SHISA9: variants seen among roughly 807,000 people sequenced by gnomAD.
SHISA9 encodes shisa family member 9.
Under a neutral mutation model 38.0 loss-of-function variants are expected in SHISA9, and 13 were observed. The observed-to-expected ratio is 0.34, with a 90% confidence interval of 0.22 to 0.54. SHISA9 has a LOEUF of 0.54. Among genes scored for constraint, SHISA9 ranks in the 20% least tolerant of loss-of-function variants. The pLI, the probability that SHISA9 is intolerant of heterozygous loss-of-function variation, is 0.91. For missense variants in SHISA9, 538 were observed against 575.8 expected (o/e 0.93, Z 0.67); for synonymous variants, 275 against 242.0 (o/e 1.14, Z -1.27).
At chr16:13,384,212 T>C in the SHISA9 span, among the ~76,000 whole-genome samples, 1 of 152,198 alleles carries the variant, frequency 6.6e-6, no homozygotes, top group Admixed American at 6.5e-5. Flanking sequence ...GGATAGGAAC[T>C]ACATGGGATT....
At chr16:12,911,398 T>G (rs2071181554) in intron 1 of SHISA9, 1 of 984,660 alleles carries the variant, frequency 1.0e-6, no homozygotes, top group Non-Finnish European at 1.2e-6. Flanking sequence ...CTATAAAATG[T>G]TTTTTTGTAT....
chr16:13,081,544 T>A (rs2073649709), intron 2 of SHISA9, among the ~76,000 whole-genome samples: 1 of 152,200 alleles, frequency 6.6e-6, no homozygotes, highest in Non-Finnish European at 1.5e-5. Context: ...AGGTATTTTT[T>A]TTTTTTTGAT....
the SHISA9 span, among the ~76,000 whole-genome samples, chr16:13,256,859 T>C: frequency 1.4e-4 from 21 of 152,246 alleles, no homozygotes; most frequent in Non-Finnish European, 2.5e-4. Flanking sequence ...AACGTTCCTT[T>C]GGTGAGGAAT....
intron 2 of SHISA9, among the ~76,000 whole-genome samples, chr16:13,115,177 T>C (rs536545546): frequency 6.6e-6 from 1 of 152,342 alleles, no homozygotes; most frequent in East Asian, 1.9e-4. Context: ...ATTCAAAATA[T>C]TTAACAACCC....
chr16:13,508,782 A>G, the SHISA9 span, among the ~76,000 whole-genome samples: 1 of 152,190 alleles, frequency 6.6e-6, no homozygotes, highest in Non-Finnish European at 1.5e-5. Flanking sequence ...TCATGAGGAG[A>G]AAGACATAAT....
At chr16:13,400,653 C>T in the SHISA9 span, among the ~76,000 whole-genome samples, 2 of 152,190 alleles carry the variant, frequency 1.3e-5, no homozygotes, top group South Asian at 2.1e-4. Context: ...AATGTTGTCT[C>T]GATCAGAGGA....
chr16:13,516,516 G>C, the SHISA9 span, among the ~76,000 whole-genome samples: 5 of 152,260 alleles, frequency 3.3e-5, no homozygotes, highest in Admixed American at 2.6e-4. Flanking sequence ...TATAGGGCCA[G>C]TAACTGGGAG....
chr16:13,000,440 A>G (rs2072509503), intron 2 of SHISA9, among the ~76,000 whole-genome samples: 1 of 152,230 alleles, frequency 6.6e-6, no homozygotes, highest in Non-Finnish European at 1.5e-5. Flanking sequence ...TGTAAATGGC[A>G]TCTCAGAGTT....
chr16:13,156,688 C>T (rs558370514), intron 2 of SHISA9, among the ~76,000 whole-genome samples: 53 of 146,954 alleles, frequency 3.6e-4, no homozygotes, highest in Non-Finnish European at 5.5e-4. Flanking sequence ...AAGCTGAGAT[C>T]GCGCCACTAC....
the SHISA9 span, among the ~76,000 whole-genome samples, chr16:13,471,680 T>TTAGA: frequency 1.3e-5 from 2 of 151,818 alleles, no homozygotes; most frequent in African/African-American, 4.8e-5. Flanking sequence ...TGCAGTGGAC[T>TTAGA]TTGAGCAAGA....
chr16:13,290,797 G>A, the SHISA9 span, among the ~76,000 whole-genome samples: 1 of 152,118 alleles, frequency 6.6e-6, no homozygotes, highest in South Asian at 2.1e-4. Context: ...GGGGCCTTGG[G>A]ACTTTGCTTC....
the SHISA9 span, among the ~76,000 whole-genome samples, chr16:13,346,394 G>C: frequency 6.6e-6 from 1 of 152,198 alleles, no homozygotes; most frequent in Non-Finnish European, 1.5e-5. Flanking sequence ...GTTTCCTGAA[G>C]ACTAGGCCAG....
intron 3 of SHISA9, among the ~76,000 whole-genome samples, chr16:13,210,289 T>A (rs985178993): frequency 6.6e-6 from 1 of 152,196 alleles, no homozygotes; most frequent in African/African-American, 2.4e-5. Context: ...TCTAGGTTTC[T>A]GATTATTGAA....
At chr16:13,410,585 A>G in the SHISA9 span, among the ~76,000 whole-genome samples, 2 of 152,236 alleles carry the variant, frequency 1.3e-5, no homozygotes, top group Non-Finnish European at 2.9e-5. Context: ...TAGAACCTAC[A>G]GTTTCGAAAA....
intron 2 of SHISA9, among the ~76,000 whole-genome samples, chr16:13,113,921 T>A (rs962240838): frequency 6.6e-6 from 1 of 152,192 alleles, no homozygotes; most frequent in Non-Finnish European, 1.5e-5. Context: ...CCTTCTTCTG[T>A]CACTCCATTA....
At chr16:13,042,314 T>G (rs1425443226) in intron 2 of SHISA9, among the ~76,000 whole-genome samples, 2 of 152,212 alleles carry the variant, frequency 1.3e-5, no homozygotes, top group Non-Finnish European at 2.9e-5. Context: ...TGTGGCTTCT[T>G]TCTGCTCATT....
At chr16:13,268,344 T>G in the SHISA9 span, among the ~76,000 whole-genome samples, 1 of 152,132 alleles carries the variant, frequency 6.6e-6, no homozygotes, top group Middle Eastern at 3.2e-3. Flanking sequence ...ACCCTGACTT[T>G]CCAAAATATA....
chr16:13,483,342 T>C, the SHISA9 span, among the ~76,000 whole-genome samples: 2 of 152,074 alleles, frequency 1.3e-5, no homozygotes, highest in African/African-American at 4.8e-5. Flanking sequence ...AAGGTCAGAG[T>C]GGATCCGAAC....
chr16:13,458,718 CAAAT>C, the SHISA9 span: 2 of 235,110 alleles, frequency 8.5e-6, no homozygotes, highest in South Asian at 1.1e-4. Context: ...TTATAAAACT[CAAAT>C]AGATGAACAT....
Sources: allele counts gnomAD v4.1 joint callset (sites outside exome capture counted in the v4.1 genomes callset), GRCh38; gene constraint gnomAD v4.1.1; transcripts MANE v1.5; gene names NCBI Gene and HGNC (gene_info 2026-07-23, HGNC 2026-07-21).